Variants in BAZ2A observed in about 807,000 individuals in gnomAD.
BAZ2A encodes bromodomain adjacent to zinc finger domain protein 2A.
Under a neutral mutation model 199.9 loss-of-function variants are expected in BAZ2A, and 34 were observed. That is an observed-to-expected ratio of 0.17 (90% CI 0.13 to 0.23). BAZ2A has a LOEUF of 0.23. Among genes scored for constraint, BAZ2A ranks in the 10% least tolerant of loss-of-function variants. The pLI, the probability that BAZ2A is intolerant of heterozygous loss-of-function variation, is 1.00. For missense variants in BAZ2A, 2,002 were observed against 2,391.1 expected, an observed-to-expected ratio of 0.84 and a Z score of 3.39; for synonymous variants, 857 against 883.9, an observed-to-expected ratio of 0.97 and a Z score of 0.54.
chr12:56,615,733 C>T (rs1950696279), intron 2 of BAZ2A, 126 bp from the exon 3 acceptor site: 2 of 804,886 alleles, frequency 2.5e-6, no homozygotes, highest in Middle Eastern at 3.4e-4. Context: ...TCCTCCCCTG[C>T]TATATTTAGT....
chr12:56,623,467 G>A (rs1422741209), intron 1 of BAZ2A, among the ~76,000 whole-genome samples: 2 of 152,110 alleles, frequency 1.3e-5, no homozygotes, highest in African/African-American at 4.8e-5. Flanking sequence ...AATGGGGTTG[G>A]GGGGTGAGAG....
At position 56,617,513 on chromosome 12, in the gene BAZ2A, A is replaced by G. The variant is rs1317312824; in HGVS notation, c.18T>C (p.His6=). 1 of 1,608,734 alleles carries G rather than the reference A, an allele frequency of 6.2e-7. No homozygotes were observed. The highest frequency in any genetic ancestry group is 8.5e-7 in the Non-Finnish European group (1 of 1,177,718). Residue 6 remains histidine, a synonymous_variant, in exon 2 of 29, where the codon CAT becomes CAC. Transcript: ENST00000549884. Reference sequence around the variant, plus strand: ...CAGGGGGAAGGCCAGTAAAGTTAAAATGGTCGTTTGCCTCCATTTCTGCAG... The same window carrying G: ...CAGGGGGAAGGCCAGTAAAGTTAAAGTGGTCGTTTGCCTCCATTTCTGCAG... MEAND[H]FNFTGLPPAP...
upstream of BAZ2A, chr12:56,630,873 TG>T: frequency 1.0e-6 from 1 of 985,020 alleles, no homozygotes; most frequent in Non-Finnish European, 1.2e-6. Flanking sequence ...TTCCTGTGCG[TG>T]GGGGAAAGAA....
chr12:56,616,521 G>T (rs555292723), intron 2 of BAZ2A, among the ~76,000 whole-genome samples: 1 of 152,156 alleles, frequency 6.6e-6, no homozygotes, highest in African/African-American at 2.4e-5. Context: ...GCCAGCTGGC[G>T]GGGTAGGGGG....
At chr12:56,630,380 G>A (rs1213261679), upstream of BAZ2A, 6 of 655,264 alleles carry the variant, frequency 9.2e-6, no homozygotes, top group South Asian at 3.4e-4. Context: ...GTCTCCCCAC[G>A]CGGCCTCCGC....
chr12:56,615,956 T>C (rs746014063), intron 2 of BAZ2A, among the ~76,000 whole-genome samples: 2 of 152,162 alleles, frequency 1.3e-5, no homozygotes, highest in Non-Finnish European at 2.9e-5. Flanking sequence ...CAGGCTGGAG[T>C]GCAGTGGTGC....
chr12:56,609,673 T>C, intron 10 of BAZ2A, 63 bp downstream of exon 10: 1 of 1,484,426 alleles, frequency 6.7e-7, no homozygotes, highest in South Asian at 1.2e-5. Context: ...TATTAGCAAT[T>C]CATCAACATT....
intron 3 of BAZ2A, 41 bp from the exon 4 acceptor site, chr12:56,614,179 C>G: frequency 1.3e-6 from 2 of 1,584,108 alleles, no homozygotes; most frequent in Non-Finnish European, 1.7e-6. Context: ...AAATCAGTGC[C>G]TTATATTGGT....
rs1345865170 is a variant in BAZ2A, at chr12:56,612,314, C to T, written c.1136-68G>A. The T allele has an allele frequency of 2.2e-6, 3 of 1,376,948 alleles. No individual in the cohort carries two copies. In the African/African-American group the frequency reaches 4.4e-5, roughly 20 times the overall value. The allele number at this position is 1,376,948 out of a possible 1,614,324, so 85.3% of individuals were successfully genotyped here. A position where few individuals can be genotyped will look rare whatever the true frequency, so the allele number is the denominator to read the frequency against. ...GCATCACATAAAACAAGAGAATCTA[C>T]TCAGTCAACCCTGGACCAAGCTAAA... On this transcript the variant is annotated intron_variant, in intron 5 of 28. Transcript: ENST00000549884.
intron 2 of BAZ2A, among the ~76,000 whole-genome samples, chr12:56,616,395 T>C (rs980019333): frequency 6.6e-6 from 1 of 152,138 alleles, no homozygotes; most frequent in Admixed American, 6.5e-5. Flanking sequence ...CACTGGCACA[T>C]GCAGATCCAG....
chr12:56,602,611 T>C (rs1950214278), intron 19 of BAZ2A, 102 bp downstream of exon 19: 2 of 1,448,032 alleles, frequency 1.4e-6, no homozygotes, highest in South Asian at 2.7e-5. Flanking sequence ...CATTACGCTA[T>C]ATTATCAGAA....
rs368247250 is a variant in BAZ2A at position 56,609,902 on chromosome 12, C to T, written c.1926G>A (p.Arg642=). Residue 642 remains arginine (R), a synonymous_variant, in exon 10 of 29, where the codon AGG becomes AGA. Coordinates refer to ENST00000549884, the MANE Select transcript of BAZ2A (RefSeq NM_001300905.2). The part of the protein sequence containing the change: ...VQLSAEEIPS[R]IQAITGKRGR... ...CCCGTTTGCCAGTAATTGCCTGAAT[C>T]CTCGACGGGATCTCCTCTGCTGAGA... 1 of 1,613,044 alleles carries T rather than the reference C, an allele frequency of 6.2e-7. No homozygotes were observed. The highest frequency in any genetic ancestry group is 8.5e-7 in the Non-Finnish European group (1 of 1,179,772).
intron 19 of BAZ2A, 143 bp downstream of exon 19, chr12:56,602,570 G>A: frequency 1.8e-6 from 2 of 1,132,272 alleles, no homozygotes; most frequent in Non-Finnish European, 2.4e-6. Context: ...AGGTGGGTAG[G>A]CAGCTTTACT....
chr12:56,608,663 G>A (rs1565818383), intron 10 of BAZ2A, among the ~76,000 whole-genome samples: 1 of 151,602 alleles, frequency 6.6e-6, no homozygotes, highest in African/African-American at 2.4e-5. Context: ...TCTGCCTCCT[G>A]GGTTCAAGCC....
At chr12:56,613,811 T>C (rs1480165409) in intron 4 of BAZ2A, 142 bp downstream of exon 4, 9 of 778,822 alleles carry the variant, frequency 1.2e-5, no homozygotes, top group East Asian at 1.1e-4. Flanking sequence ...TCCTGTGGCA[T>C]GTAACTGTGG....
In BAZ2A at chr12:56,601,967, G is replaced by A; in HGVS notation, c.3650C>T (p.Ala1217Val). The A allele has an allele frequency of 6.4e-7, 1 of 1,560,776 alleles. No individual in the cohort carries two copies. The highest frequency in any genetic ancestry group is 8.7e-7 in the Non-Finnish European group (1 of 1,151,956). Residue 1217 changes from alanine to valine, a missense_variant, in exon 20 of 29, where the codon GCC (alanine) becomes GTC (valine). Physicochemically the swap from Ala to Val is moderately conservative, Grantham distance 64 (BLOSUM62 0). This residue lies in a region of BAZ2A where 1,081 missense variants were observed against 1,274.7 expected (regional missense o/e 0.85). Transcript: ENST00000549884. ...AAGCTGAGCCTCAGGCTGAAGCTGG[G>A]CCTGGGGCTGTTCTGAATCCTGACC... ...VRGQDSEQPQ[A>V]QLQPEAQLHA... is the part of the protein sequence containing the mutation.
upstream of BAZ2A, among the ~76,000 whole-genome samples, chr12:56,634,607 A>G (rs1951401758): frequency 6.6e-6 from 1 of 152,050 alleles, no homozygotes; most frequent in South Asian, 2.1e-4. Context: ...GGGGTTAGGA[A>G]GGCGTGGGAA....
chr12:56,615,145 G>A lies in BAZ2A; in HGVS notation c.599C>T (p.Thr200Ile). The A allele has an allele frequency of 1.9e-6, 3 of 1,613,774 alleles. No homozygotes were observed. The highest frequency in any genetic ancestry group is 2.5e-6 in the Non-Finnish European group (3 of 1,179,828). ...TSPMLGSSIQ[T>I]FAPSQEVGSG... ...GCCTACCTCCTGGGAGGGTGCAAAG[G>A]TTTGAATGCTAGATCCCAACATAGG... Residue 200 changes from threonine (T) to isoleucine (I), a missense_variant, in exon 3 of 29, where the codon ACC (threonine) becomes ATC (isoleucine). Physicochemically the swap from Thr to Ile is moderately conservative, Grantham distance 89. Transcript: ENST00000549884.
upstream of BAZ2A, among the ~76,000 whole-genome samples, chr12:56,637,514 C>A (rs535777325): frequency 6.6e-6 from 1 of 152,164 alleles, no homozygotes; most frequent in Non-Finnish European, 1.5e-5. Flanking sequence ...TTTATTTAGG[C>A]TTGCCCAAAA....
Sources: gnomAD v4.1 joint callset for allele counts (sites outside exome capture counted in the v4.1 genomes callset) on GRCh38, gnomAD v4.1.1 for gene constraint, gnomAD v4.1.1 regional missense constraint, MANE v1.5 for transcripts, NCBI Gene and HGNC (gene_info 2026-07-23, HGNC 2026-07-21) for gene names.